The following WWOX variants were observed in gnomAD, a reference collection of about 807,000 sequenced individuals.
WWOX encodes the protein WW domain containing oxidoreductase.
WWOX carries 69 observed loss-of-function variants against 46.2 expected under a neutral mutation model. The observed-to-expected ratio is 1.49, with a 90% confidence interval of 1.23 to 1.82. WWOX has a LOEUF of 1.82. Among genes scored for constraint, WWOX ranks in the 40% most tolerant of loss-of-function variants. WWOX has a pLI of 0.00. For synonymous variants in WWOX, 359 were observed against 202.6 expected (o/e 1.77, Z -6.56); for missense variants, 919 against 542.6 (o/e 1.69, Z -6.89).
intron 8 of WWOX, among the ~76,000 whole-genome samples, chr16:78,785,474 A>C (rs371465735): frequency 6.6e-6 from 1 of 152,176 alleles, no homozygotes; most frequent in Non-Finnish European, 1.5e-5. Flanking sequence ...AAAACAAACA[A>C]ACACATTGTG....
chr16:78,379,786 T>G (rs1371487973), intron 5 of WWOX, among the ~76,000 whole-genome samples: 1 of 152,222 alleles, frequency 6.6e-6, no homozygotes, highest in Non-Finnish European at 1.5e-5. Flanking sequence ...AGTAATAATT[T>G]GTGGTTTTGA....
chr16:78,705,625 G>T (rs551562071), intron 8 of WWOX, among the ~76,000 whole-genome samples: 1 of 152,100 alleles, frequency 6.6e-6, no homozygotes, highest in African/African-American at 2.4e-5. Flanking sequence ...AAAGGACTGG[G>T]GAAAAGCTGA....
intron 8 of WWOX, among the ~76,000 whole-genome samples, chr16:78,900,158 C>G (rs761070092): frequency 2.7e-5 from 4 of 148,912 alleles, no homozygotes; most frequent in Non-Finnish European, 5.9e-5. Flanking sequence ...CAGTAACAAA[C>G]CGTTCATCAT....
chr16:78,698,270 T>C (rs533549722), intron 8 of WWOX, among the ~76,000 whole-genome samples: 7 of 152,258 alleles, frequency 4.6e-5, no homozygotes, highest in African/African-American at 1.2e-4. Flanking sequence ...TCTTGAGTAC[T>C]TTCAATTAGG....
At chr16:78,127,706 G>A (rs1331503705) in intron 4 of WWOX, among the ~76,000 whole-genome samples, 1 of 152,152 alleles carries the variant, frequency 6.6e-6, no homozygotes, top group African/African-American at 2.4e-5. Flanking sequence ...GTTTGTGATA[G>A]TTTATAGGAC....
At chr16:78,693,549 T>C (rs2048035156) in intron 8 of WWOX, among the ~76,000 whole-genome samples, 1 of 152,266 alleles carries the variant, frequency 6.6e-6, no homozygotes, top group African/African-American at 2.4e-5. Flanking sequence ...AACCAAATAG[T>C]CATAGAGTAG....
intron 8 of WWOX, among the ~76,000 whole-genome samples, chr16:78,681,779 ACTAT>A (rs1319466871): frequency 2.0e-5 from 3 of 152,212 alleles, no homozygotes; most frequent in Non-Finnish European, 2.9e-5. Flanking sequence ...TCTGTGGCGT[ACTAT>A]CTATTTGGCC....
At chr16:78,665,101 A>T (rs966073632) in intron 8 of WWOX, among the ~76,000 whole-genome samples, 4 of 152,144 alleles carry the variant, frequency 2.6e-5, no homozygotes, top group African/African-American at 9.7e-5. Flanking sequence ...GGTAAATGCG[A>T]TGGGGACAAA....
chr16:78,668,100 G>A (rs1426237142), intron 8 of WWOX, among the ~76,000 whole-genome samples: 2 of 152,086 alleles, frequency 1.3e-5, no homozygotes, highest in East Asian at 3.9e-4. Flanking sequence ...CCACCATGGT[G>A]AAGCCCCGTC....
At chr16:78,913,949 C>G (rs1465992901) in intron 8 of WWOX, among the ~76,000 whole-genome samples, 1 of 152,038 alleles carries the variant, frequency 6.6e-6, no homozygotes, top group Admixed American at 6.6e-5. Context: ...ACATGATCCA[C>G]TGCACGTGGC....
At chr16:79,157,837 C>T (rs767386151) in intron 8 of WWOX, among the ~76,000 whole-genome samples, 24 of 152,092 alleles carry the variant, frequency 1.6e-4, no homozygotes, top group Non-Finnish European at 2.9e-4. Flanking sequence ...GAGGACTGAA[C>T]GAGGCAGGGT....
At chr16:78,448,752 T>C (rs2083618762) in intron 8 of WWOX, among the ~76,000 whole-genome samples, 1 of 152,222 alleles carries the variant, frequency 6.6e-6, no homozygotes, top group Non-Finnish European at 1.5e-5. Flanking sequence ...TCATGTCTTC[T>C]CTTGAAATGG....
intron 8 of WWOX, among the ~76,000 whole-genome samples, chr16:78,611,469 C>A (rs114756951): frequency 6.6e-6 from 1 of 152,172 alleles, no homozygotes; most frequent in Non-Finnish European, 1.5e-5. Flanking sequence ...GGTCATATGA[C>A]TGCCCTGCCT....
intron 8 of WWOX, among the ~76,000 whole-genome samples, chr16:78,586,834 C>A (rs1333014775): frequency 6.6e-6 from 1 of 152,072 alleles, no homozygotes; most frequent in Non-Finnish European, 1.5e-5. Context: ...TAATTTCAGA[C>A]TCAGGTTTGT....
At chr16:78,272,921 A>T (rs577467851) in intron 5 of WWOX, among the ~76,000 whole-genome samples, 5 of 152,266 alleles carry the variant, frequency 3.3e-5, no homozygotes, top group Non-Finnish European at 7.4e-5. Flanking sequence ...GCTATGTTGA[A>T]GGTTTAGGAG....
chr16:78,522,340 A>G lies in WWOX; in HGVS notation c.1056+89588A>G, dbSNP rs569985199. ...GGCTTGCGGAACATTAAAGCACAAC[A>G]AAAACCTAATTCTTTGAGTGTTTCT... On this transcript the variant is annotated intron_variant, in intron 8 of 8. Transcript: ENST00000566780. Among the ~76,000 whole-genome samples the G allele has an allele frequency of 2.0e-5, 3 of 152,270 alleles. No homozygotes were observed. The East Asian group carries it at 5.8e-4, about 29-fold the overall frequency.
At chr16:78,688,720 CT>C (rs1427439334) in intron 8 of WWOX, among the ~76,000 whole-genome samples, 1 of 152,078 alleles carries the variant, frequency 6.6e-6, no homozygotes, top group African/African-American at 2.4e-5. Context: ...CTCCTGGCAT[CT>C]GGTGGGTAGG....
intron 5 of WWOX, among the ~76,000 whole-genome samples, chr16:78,189,673 G>T (rs2035819803): frequency 6.6e-6 from 1 of 151,976 alleles, no homozygotes; most frequent in Non-Finnish European, 1.5e-5. Context: ...ATTTATTTTT[G>T]AGTTGGAGTC....
chr16:79,097,229 G>C (rs1477356612), intron 8 of WWOX, among the ~76,000 whole-genome samples: 2 of 152,002 alleles, frequency 1.3e-5, no homozygotes, highest in Non-Finnish European at 2.9e-5. Flanking sequence ...CTCAATAATT[G>C]CATAATGACG....
Sources: gnomAD v4.1 joint callset for allele counts (sites outside exome capture counted in the v4.1 genomes callset) on GRCh38, gnomAD v4.1.1 for gene constraint, MANE v1.5 for transcripts, NCBI Gene and HGNC (gene_info 2026-07-23, HGNC 2026-07-21) for gene names.